CLMN: variants seen among roughly 807,000 people sequenced by gnomAD.
CLMN encodes the protein calmin (calponin-like, transmembrane).
In CLMN, 57 loss-of-function variants were observed where a neutral mutation model predicts 92.7. The ratio of observed to expected loss-of-function variants is 0.61; its 90% CI spans 0.50 to 0.77. CLMN has a LOEUF of 0.77. Among genes scored for constraint, CLMN ranks in the 30% least tolerant of loss-of-function variants. The pLI is 0.00. For synonymous variants in CLMN, 466 were observed against 470.6 expected (o/e 0.99, Z 0.13); for missense variants, 1,158 against 1,237.5 (o/e 0.94, Z 0.96).
intron 1 of CLMN, among the ~76,000 whole-genome samples, chr14:95,312,287 A>G (rs1901576074): frequency 6.6e-6 from 1 of 152,114 alleles, no homozygotes; most frequent in Non-Finnish European, 1.5e-5. Context: ...AGCTCCCAGA[A>G]TTTCAGGGGG....
intron 12 of CLMN, chr14:95,193,363 C>T (rs1292817445): frequency 1.3e-6 from 2 of 1,535,164 alleles, no homozygotes; most frequent in Non-Finnish European, 1.7e-6. Context: ...TTCATGTCTG[C>T]TCTGATGCCA....
chr14:95,284,645 C>T lies in CLMN; in HGVS notation c.82+35066G>A, dbSNP rs554282537. 8.5e-4 allele frequency among the ~76,000 whole-genome samples: 129 copies of T among 152,232 alleles called. 1 individual carries two copies. Among genetic ancestry groups the T allele is most frequent in the Admixed American group, 1.5e-3 (23 of 15,294 alleles). Reference sequence around the variant, plus strand: ...TTTAAATTTTGGTGCCCCCCACCCCCAAATTTCAGACTTGCACAGGCCCTG... The same window carrying T: ...TTTAAATTTTGGTGCCCCCCACCCCTAAATTTCAGACTTGCACAGGCCCTG... On this transcript the variant is annotated intron_variant, in intron 1 of 12. Coordinates refer to ENST00000298912, the MANE Select transcript of CLMN (RefSeq NM_024734.4).
At chr14:95,249,511 C>T (rs1293738111) in intron 1 of CLMN, among the ~76,000 whole-genome samples, 3 of 152,108 alleles carry the variant, frequency 2.0e-5, no homozygotes, top group Non-Finnish European at 2.9e-5. Flanking sequence ...TGGGGTGGAC[C>T]GAGACAGATG....
chr14:95,205,127 G>T (rs1240790863), intron 8 of CLMN, among the ~76,000 whole-genome samples: 1 of 151,992 alleles, frequency 6.6e-6, no homozygotes, highest in Non-Finnish European at 1.5e-5. Flanking sequence ...CCAGAGAGAA[G>T]AAATTAAATA....
intron 1 of CLMN, among the ~76,000 whole-genome samples, chr14:95,270,327 C>G (rs1021007763): frequency 2.0e-5 from 3 of 152,190 alleles, no homozygotes; most frequent in Non-Finnish European, 4.4e-5. Flanking sequence ...CTATTTAAAG[C>G]CCATAGCTCA....
At chr14:95,225,889 G>A (rs576451225) in intron 2 of CLMN, among the ~76,000 whole-genome samples, 16 of 152,324 alleles carry the variant, frequency 1.1e-4, no homozygotes, top group South Asian at 4.1e-4. Flanking sequence ...GGTTCCACAC[G>A]GTATCTGCTA....
intron 1 of CLMN, among the ~76,000 whole-genome samples, chr14:95,312,325 A>C (rs1901576850): frequency 6.6e-6 from 1 of 152,140 alleles, no homozygotes; most frequent in Non-Finnish European, 1.5e-5. Context: ...TGACCAAAGG[A>C]CCAGGCTTCA....
rs747682347 is a variant in CLMN at position 95,203,424 on chromosome 14, C to T, written c.1925G>A (p.Cys642Tyr). Residue 642 changes from cysteine to tyrosine, a missense_variant, in exon 9 of 13, where the codon TGT (cysteine) becomes TAT (tyrosine). Cys to Tyr is a radical substitution (Grantham distance 194). Coordinates refer to ENST00000298912, the MANE Select transcript of CLMN (RefSeq NM_024734.4). ...HQDSGEEAEG[C>Y]PSAPEETPVD... ...TGGTGTCTCTTCTGGGGCTGAAGGACAGCCTTCAGCTTCTTCTCCGGAGTC... is the reference window on the plus strand; with the variant it reads ...TGGTGTCTCTTCTGGGGCTGAAGGATAGCCTTCAGCTTCTTCTCCGGAGTC... 6.2e-7 allele frequency: 1 copy of T among 1,614,146 alleles called. No homozygotes were observed. Among genetic ancestry groups the T allele is most frequent in the East Asian group, 2.2e-5 (1 of 44,876 alleles).
At chr14:95,201,737 G>A (rs1229044236) in intron 9 of CLMN, among the ~76,000 whole-genome samples, 1 of 148,232 alleles carries the variant, frequency 6.7e-6, no homozygotes, top group Non-Finnish European at 1.5e-5. Flanking sequence ...CCCTCCCCTC[G>A]CCTCCCACCC....
intron 1 of CLMN, among the ~76,000 whole-genome samples, chr14:95,314,838 T>G (rs1180254329): frequency 6.6e-6 from 1 of 152,220 alleles, no homozygotes; most frequent in East Asian, 1.9e-4. Flanking sequence ...ACATGATGAT[T>G]CATCCCTTAG....
chr14:95,267,315 C>G (rs79245536), intron 1 of CLMN, among the ~76,000 whole-genome samples: 61 of 152,210 alleles, frequency 4.0e-4, no homozygotes, highest in Non-Finnish European at 6.3e-4. Flanking sequence ...GCAAAGAACT[C>G]AAACACCCCA....
intron 1 of CLMN, among the ~76,000 whole-genome samples, chr14:95,240,954 T>C (rs1254872524): frequency 6.6e-6 from 1 of 152,176 alleles, no homozygotes; most frequent in Non-Finnish European, 1.5e-5. Context: ...TTGTGAAGTA[T>C]CTGTTTCATG....
intron 5 of CLMN, 73 bp downstream of exon 5, chr14:95,215,568 C>T: frequency 1.5e-6 from 2 of 1,293,276 alleles, no homozygotes; most frequent in Admixed American, 1.7e-5. Context: ...CTTAATCTGG[C>T]CCCACTCTCT....
intron 1 of CLMN, among the ~76,000 whole-genome samples, chr14:95,297,560 T>G (rs1342495529): frequency 6.6e-6 from 1 of 152,170 alleles, no homozygotes; most frequent in Non-Finnish European, 1.5e-5. Flanking sequence ...CCATTTTTTG[T>G]CCTGATAATT....
Position 95,215,681 on chromosome 14 carries a change from AAAG to A in CLMN, c.374_376del (p.Ser125del). On this transcript the variant is annotated inframe_deletion, in exon 5 of 13. Coordinates refer to ENST00000298912, the MANE Select transcript of CLMN (RefSeq NM_024734.4). The stretch of plus-strand genomic sequence containing the variant: ...TATGTTCCATATCAGCCCAAGAACC[AAAG>A]AAGGGTTGCCATCTGCTATTTCTGC... 1 of 1,614,200 alleles carries A rather than the reference AAAG, an allele frequency of 6.2e-7. No homozygotes were observed. The highest frequency in any genetic ancestry group is 8.5e-7 in the Non-Finnish European group (1 of 1,180,030).
chr14:95,288,412 G>A (rs74433179), intron 1 of CLMN, among the ~76,000 whole-genome samples: 7,192 of 152,302 alleles, frequency 0.047, 203 homozygotes, highest in Middle Eastern at 0.082. Flanking sequence ...GGAACAGTGC[G>A]CTAGGCAGAG....
chr14:95,313,213 A>T (rs556368297), intron 1 of CLMN, among the ~76,000 whole-genome samples: 46 of 152,362 alleles, frequency 3.0e-4, no homozygotes, highest in African/African-American at 1.0e-3. Flanking sequence ...TCTCAAAAAA[A>T]TAAAATAAAA....
At chr14:95,217,891 G>A (rs1035786278) in intron 4 of CLMN, among the ~76,000 whole-genome samples, 1 of 152,260 alleles carries the variant, frequency 6.6e-6, no homozygotes, top group African/African-American at 2.4e-5. Context: ...CCCTCCTGAG[G>A]TGCCCAGTTC....
intron 4 of CLMN, among the ~76,000 whole-genome samples, chr14:95,220,850 A>C (rs1054615549): frequency 2.0e-5 from 3 of 152,164 alleles, no homozygotes; most frequent in Admixed American, 2.0e-4. Context: ...CAGAGGTTGC[A>C]GGGGCAGGGC....
Sources: gnomAD v4.1 joint callset for allele counts (sites outside exome capture counted in the v4.1 genomes callset) on GRCh38, gnomAD v4.1.1 for gene constraint, MANE v1.5 for transcripts, NCBI Gene and HGNC (gene_info 2026-07-23, HGNC 2026-07-21) for gene names.